Variants in NDFIP2 observed in about 807,000 individuals in gnomAD.
NDFIP2 encodes the protein Nedd4 family interacting protein 2, also known as NEDD4 family-interacting protein 2.
NDFIP2 carries 19 observed loss-of-function variants against 36.0 expected under a neutral mutation model. That is an observed-to-expected ratio of 0.53 (90% CI 0.37 to 0.77). NDFIP2 has a LOEUF of 0.77. NDFIP2 is among the 30% of genes least tolerant of loss of function. The pLI, the probability that NDFIP2 is intolerant of heterozygous loss-of-function variation, is 0.00. For synonymous variants in NDFIP2, 181 were observed against 167.7 expected (o/e 1.08, Z -0.61); for missense variants, 446 against 435.8 (o/e 1.02, Z -0.21).
chr13:79,549,886 G>T (rs1037573865), intron 6 of NDFIP2, among the ~76,000 whole-genome samples: 1 of 151,748 alleles, frequency 6.6e-6, no homozygotes, highest in Non-Finnish European at 1.5e-5. Flanking sequence ...ATGCGATTGG[G>T]TTTAGCTGTA....
At chr13:79,496,438 T>C (rs369791265) in intron 1 of NDFIP2, among the ~76,000 whole-genome samples, 12 of 151,952 alleles carry the variant, frequency 7.9e-5, no homozygotes, top group African/African-American at 2.9e-4. Flanking sequence ...AGTTTCTCTA[T>C]ATATATTGGT....
intron 2 of NDFIP2, among the ~76,000 whole-genome samples, chr13:79,526,814 A>G (rs757744222): frequency 1.3e-5 from 2 of 152,168 alleles, no homozygotes; most frequent in South Asian, 2.1e-4. Context: ...CTTTCTCCCA[A>G]GTTCTTAGGT....
chr13:79,520,074 T>G (rs1382719812), intron 1 of NDFIP2, among the ~76,000 whole-genome samples: 2 of 152,360 alleles, frequency 1.3e-5, no homozygotes, highest in Admixed American at 1.3e-4. Context: ...GTGCTGGTAT[T>G]ACAGGTGTGA....
intron 2 of NDFIP2, among the ~76,000 whole-genome samples, chr13:79,524,613 G>T (rs555069627): frequency 6.6e-6 from 1 of 152,332 alleles, no homozygotes. Flanking sequence ...AGGATGGTCA[G>T]CTGCATTGTC....
intron 3 of NDFIP2, 144 bp from the exon 4 acceptor site, chr13:79,539,538 C>G (rs1298288030): frequency 5.3e-6 from 3 of 561,442 alleles, no homozygotes; most frequent in Non-Finnish European, 6.3e-6. Flanking sequence ...TTATTGATTA[C>G]TCTGTGCCAG....
intron 5 of NDFIP2, among the ~76,000 whole-genome samples, chr13:79,547,308 T>C (rs1436794208): frequency 6.6e-6 from 1 of 152,162 alleles, no homozygotes; most frequent in Non-Finnish European, 1.5e-5. Context: ...TCTTTACTTA[T>C]AAAGTTACAA....
rs1334585269 is a variant in NDFIP2 at position 79,507,283 on chromosome 13, T to TCATCATGGGGTAG, written c.322-13527_322-13526insCATCATGGGGTAG. Among the ~76,000 whole-genome samples, 77 of 50,684 alleles carry TCATCATGGGGTAG rather than the reference T, an allele frequency of 1.5e-3. 3 individuals are homozygous for TCATCATGGGGTAG. The highest frequency in any genetic ancestry group is 3.7e-3 in the African/African-American group (17 of 4,634). The allele number at this position is 50,684 out of a possible 152,430, so 33.3% of individuals were successfully genotyped here. A position where few individuals can be genotyped will look rare whatever the true frequency, so the allele number is the denominator to read the frequency against. The stretch of plus-strand genomic sequence containing the variant: ...TCTGATTGAGTTTTTTTTTTTTTTT[T>TCATCATGGGGTAG]TTTTTTTTGAGACGGAGTCTCGCTC... On this transcript the variant is annotated intron_variant, in intron 1 of 7. Transcript: ENST00000218652.
intron 1 of NDFIP2, among the ~76,000 whole-genome samples, chr13:79,494,174 C>G (rs1873349069): frequency 6.6e-6 from 1 of 152,062 alleles, no homozygotes; most frequent in Non-Finnish European, 1.5e-5. Context: ...CTCTTGGGTT[C>G]AAATCTTGAC....
intron 1 of NDFIP2, among the ~76,000 whole-genome samples, chr13:79,505,466 C>CA (rs897664916): frequency 5.9e-5 from 9 of 151,466 alleles, no homozygotes; most frequent in South Asian, 2.1e-4. Context: ...TTCAGCTCTA[C>CA]AAAAAAAATG....
intron 1 of NDFIP2, among the ~76,000 whole-genome samples, chr13:79,495,642 T>C (rs987404910): frequency 2.0e-5 from 3 of 151,946 alleles, no homozygotes; most frequent in African/African-American, 7.2e-5. Flanking sequence ...ACCTTATAGT[T>C]AGGTCTTACT....
At chr13:79,545,484 T>C (rs541039313) in intron 5 of NDFIP2, among the ~76,000 whole-genome samples, 1 of 152,328 alleles carries the variant, frequency 6.6e-6, no homozygotes, top group South Asian at 2.1e-4. Flanking sequence ...TAAAATACTT[T>C]TACTGAGTTA....
intron 1 of NDFIP2, among the ~76,000 whole-genome samples, chr13:79,505,043 G>C (rs914065739): frequency 6.6e-6 from 1 of 152,166 alleles, no homozygotes; most frequent in African/African-American, 2.4e-5. Context: ...TCTTGCCATA[G>C]AGCATTCAGA....
intron 2 of NDFIP2, among the ~76,000 whole-genome samples, chr13:79,531,240 A>G (rs1051099785): frequency 6.6e-6 from 1 of 152,236 alleles, no homozygotes; most frequent in South Asian, 2.1e-4. Context: ...TAAAACATTC[A>G]GTAAACCATG....
At chr13:79,538,570 C>T (rs1228066424) in intron 3 of NDFIP2, among the ~76,000 whole-genome samples, 1 of 152,154 alleles carries the variant, frequency 6.6e-6, no homozygotes, top group Non-Finnish European at 1.5e-5. Flanking sequence ...GCCTGACAGT[C>T]ATTAAATCCT....
intron 1 of NDFIP2, among the ~76,000 whole-genome samples, chr13:79,497,795 G>GGGGT (rs1555356393): frequency 2.3e-5 from 3 of 128,912 alleles, no homozygotes; most frequent in Non-Finnish European, 5.0e-5. Context: ...ATCTGTGGGG[G>GGGGT]GTGTGTGTGT....
Position 79,498,467 on chromosome 13 carries a change from A to G in NDFIP2, c.321+16943A>G, listed in dbSNP as rs568375120. 6.6e-5 allele frequency among the ~76,000 whole-genome samples: 10 copies of G among 152,106 alleles called. No homozygotes were observed. In the South Asian group the frequency reaches 1.2e-3, roughly 19 times the overall value. ...GTTCATTGGAGAATTCTTCTGTCCT[A>G]GTCTGATTTTGTGCTGCCATAACAA... On this transcript the variant is annotated intron_variant, in intron 1 of 7. Coordinates refer to ENST00000218652, the MANE Select transcript of NDFIP2 (RefSeq NM_019080.3).
chr13:79,522,814 T>C (rs1009822367), intron 2 of NDFIP2, among the ~76,000 whole-genome samples: 1 of 152,250 alleles, frequency 6.6e-6, no homozygotes, highest in Non-Finnish European at 1.5e-5. Flanking sequence ...TCACCTGTTA[T>C]GATACTGTCT....
chr13:79,522,132 C>T (rs1346626659), intron 2 of NDFIP2, among the ~76,000 whole-genome samples: 2 of 152,076 alleles, frequency 1.3e-5, no homozygotes, highest in African/African-American at 2.4e-5. Context: ...CTGGCCTACT[C>T]CTTTTATTTG....
intron 1 of NDFIP2, among the ~76,000 whole-genome samples, chr13:79,511,880 A>C (rs1016713176): frequency 6.6e-6 from 1 of 152,188 alleles, no homozygotes; most frequent in Admixed American, 6.5e-5. Context: ...TTGCAAGTGA[A>C]TGTTTCCTGG....
Sources: gnomAD v4.1 joint callset for allele counts (sites outside exome capture counted in the v4.1 genomes callset) on GRCh38, gnomAD v4.1.1 for gene constraint, MANE v1.5 for transcripts, NCBI Gene and HGNC (gene_info 2026-07-23, HGNC 2026-07-21) for gene names.